The following GTF2F2 variants were observed in gnomAD, a reference collection of about 807,000 sequenced individuals.
The protein encoded by GTF2F2 is general transcription factor IIF subunit 2.
A neutral mutation model predicts 42.2 loss-of-function variants in GTF2F2; 23 were observed. That is an observed-to-expected ratio of 0.55 (90% CI 0.39 to 0.77). GTF2F2 has a LOEUF of 0.77. Ranked by LOEUF, GTF2F2 falls within the 30% of genes least tolerant of loss-of-function variation. The pLI is 0.00. For synonymous variants in GTF2F2, 105 were observed against 100.8 expected, an observed-to-expected ratio of 1.04 and a Z score of -0.25; for missense variants, 261 against 287.2, an observed-to-expected ratio of 0.91 and a Z score of 0.66.
chr13:45,204,478 T>C (rs1873339139), intron 4 of GTF2F2, among the ~76,000 whole-genome samples: 1 of 152,270 alleles, frequency 6.6e-6, no homozygotes, highest in Non-Finnish European at 1.5e-5. Context: ...TAAAGGTTTC[T>C]ATATTAATGA....
At chr13:45,165,674 T>A (rs1305270394) in intron 4 of GTF2F2, among the ~76,000 whole-genome samples, 1 of 151,810 alleles carries the variant, frequency 6.6e-6, no homozygotes, top group African/African-American at 2.4e-5. Flanking sequence ...TCATTCATCT[T>A]CCTGTGAAGA....
intron 4 of GTF2F2, among the ~76,000 whole-genome samples, chr13:45,172,667 G>A (rs1202820959): frequency 3.3e-5 from 5 of 152,098 alleles, no homozygotes; most frequent in Middle Eastern, 3.2e-3. Context: ...TCTTTTCCAT[G>A]CAGCTATCCA....
At chr13:45,239,319 A>G (rs879525493) in intron 5 of GTF2F2, among the ~76,000 whole-genome samples, 1 of 152,236 alleles carries the variant, frequency 6.6e-6, no homozygotes, top group Non-Finnish European at 1.5e-5. Flanking sequence ...AAGTTAAGAT[A>G]TTTATATTTT....
At chr13:45,246,892 G>C (rs529716298) in intron 5 of GTF2F2, among the ~76,000 whole-genome samples, 88 of 151,410 alleles carry the variant, frequency 5.8e-4, no homozygotes, top group African/African-American at 2.1e-3. Context: ...AAAAAAATTA[G>C]CCTGGCGTGG....
chr13:45,219,748 A>C (rs878998678), intron 5 of GTF2F2: 1 of 152,198 alleles, frequency 6.6e-6, no homozygotes, highest in Middle Eastern at 3.2e-3. Context: ...CTGCTAATCT[A>C]TAATGTACCC....
At chr13:45,238,379 G>A (rs936083241) in intron 5 of GTF2F2, among the ~76,000 whole-genome samples, 4 of 152,070 alleles carry the variant, frequency 2.6e-5, no homozygotes, top group Admixed American at 2.0e-4. Flanking sequence ...GTAATAAATG[G>A]TCCCTGATCA....
At chr13:45,248,446 T>C (rs1161298203) in intron 5 of GTF2F2, among the ~76,000 whole-genome samples, 4 of 152,044 alleles carry the variant, frequency 2.6e-5, no homozygotes, top group Admixed American at 2.6e-4. Context: ...TTTTTTGTTT[T>C]TGTTTTTGTG....
chr13:45,261,050 C>T (rs1383783660), intron 6 of GTF2F2, among the ~76,000 whole-genome samples: 3 of 152,030 alleles, frequency 2.0e-5, no homozygotes, highest in South Asian at 2.1e-4. Context: ...CACTTGAACA[C>T]GGGAGACGGA....
intron 4 of GTF2F2, among the ~76,000 whole-genome samples, chr13:45,170,389 C>T (rs928328914): frequency 1.3e-5 from 2 of 152,204 alleles, no homozygotes; most frequent in African/African-American, 4.8e-5. Context: ...TTCTTTCTCC[C>T]ACTTAACATC....
chr13:45,210,105 A>G (rs114240167), intron 5 of GTF2F2, among the ~76,000 whole-genome samples: 1,678 of 152,248 alleles, frequency 0.011, 29 homozygotes, highest in African/African-American at 0.037. Flanking sequence ...TTTAAAATCT[A>G]AGTCAGATCA....
rs117754878 is a variant in GTF2F2 at position 45,148,180 on chromosome 13, G to A, written c.141-1590G>A. Among the ~76,000 whole-genome samples, 611 of 152,148 alleles carry A rather than the reference G, an allele frequency of 4.0e-3. 7 individuals carry two copies. Among genetic ancestry groups the A allele is most frequent in the Non-Finnish European group, 7.1e-3 (480 of 67,974 alleles). On this transcript the variant is annotated intron_variant, in intron 2 of 7. Coordinates refer to ENST00000340473, the MANE Select transcript of GTF2F2 (RefSeq NM_004128.3). ...AAACTGAACGTTATGGAGAAACAGT[G>A]GTTTTCTAATTGGTCTTCCTATCTC...
At chr13:45,228,996 C>G (rs1874528552) in intron 5 of GTF2F2, among the ~76,000 whole-genome samples, 1 of 152,064 alleles carries the variant, frequency 6.6e-6, no homozygotes. Flanking sequence ...TGAACCCTGC[C>G]TCAGCCTCTC....
chr13:45,171,245 C>A (rs1051956726), intron 4 of GTF2F2, among the ~76,000 whole-genome samples: 2 of 151,730 alleles, frequency 1.3e-5, no homozygotes, highest in African/African-American at 4.8e-5. Context: ...GCCCAGCTAA[C>A]TTTTCTGTTT....
At chr13:45,174,616 A>G (rs923914214) in intron 4 of GTF2F2, among the ~76,000 whole-genome samples, 2 of 144,318 alleles carry the variant, frequency 1.4e-5, no homozygotes, top group Admixed American at 6.8e-5. Context: ...TTTTTCATGG[A>G]GCACTGTTTT....
At chr13:45,212,495 C>CTTTCTTTCT (rs1873716483) in intron 5 of GTF2F2, among the ~76,000 whole-genome samples, 2 of 102,436 alleles carry the variant, frequency 2.0e-5, no homozygotes, top group Non-Finnish European at 4.3e-5. Context: ...TTCTTTCTTT[C>CTTTCTTTCT]TTTCTTTCTT....
intron 6 of GTF2F2, among the ~76,000 whole-genome samples, chr13:45,257,224 A>C (rs889356097): frequency 6.6e-6 from 1 of 152,170 alleles, no homozygotes; most frequent in African/African-American, 2.4e-5. Context: ...AAAAAGAATT[A>C]TATGATTATT....
chr13:45,170,026 T>G (rs1174507326), intron 4 of GTF2F2, among the ~76,000 whole-genome samples: 2 of 152,142 alleles, frequency 1.3e-5, no homozygotes, highest in Non-Finnish European at 2.9e-5. Flanking sequence ...AGACTGGTTA[T>G]TTATTTATTT....
At chr13:45,180,786 G>A (rs1872114893) in intron 4 of GTF2F2, among the ~76,000 whole-genome samples, 1 of 151,984 alleles carries the variant, frequency 6.6e-6, no homozygotes, top group Non-Finnish European at 1.5e-5. Flanking sequence ...AAGAAAGCAT[G>A]GATTTTTCTT....
intron 4 of GTF2F2, among the ~76,000 whole-genome samples, chr13:45,154,777 A>AT (rs570421127): frequency 5.7e-4 from 87 of 152,270 alleles, no homozygotes; most frequent in South Asian, 8.3e-4. Flanking sequence ...ATTACACCTT[A>AT]TTTTTAAACA....
Sources: allele counts gnomAD v4.1 joint callset (sites outside exome capture counted in the v4.1 genomes callset), GRCh38; gene constraint gnomAD v4.1.1; transcripts MANE v1.5; gene names NCBI Gene and HGNC (gene_info 2026-07-23, HGNC 2026-07-21).